The following CSMD1 variants were observed in gnomAD, a reference collection of about 807,000 sequenced individuals.
The protein encoded by CSMD1 is CUB and Sushi multiple domains 1.
Under a neutral mutation model 417.5 loss-of-function variants are expected in CSMD1, and 213 were observed. The observed-to-expected ratio is 0.51, with a 90% confidence interval of 0.46 to 0.57. The LOEUF (loss-of-function observed/expected upper bound fraction) is 0.57. CSMD1 is among the 20% of genes least tolerant of loss of function. The pLI is 0.00. For missense variants in CSMD1, 6,923 were observed against 4,529.7 expected (o/e 1.53, Z -15.17); for synonymous variants, 2,862 against 1,736.8 (o/e 1.65, Z -16.11).
chr8:3,284,900 C>G (rs980437304), intron 25 of CSMD1, among the ~76,000 whole-genome samples: 3 of 152,124 alleles, frequency 2.0e-5, no homozygotes, highest in Admixed American at 6.5e-5. Context: ...AAAATACCAA[C>G]AGAAAGGCAA....
At chr8:4,336,430 G>A (rs1009018599) in intron 3 of CSMD1, among the ~76,000 whole-genome samples, 6 of 152,126 alleles carry the variant, frequency 3.9e-5, no homozygotes, top group Admixed American at 3.9e-4. Context: ...AAGGCCCCCG[G>A]TCAGTTAATG....
At chr8:3,961,593 C>A (rs959379892) in intron 5 of CSMD1, among the ~76,000 whole-genome samples, 3 of 152,196 alleles carry the variant, frequency 2.0e-5, no homozygotes, top group Non-Finnish European at 4.4e-5. Context: ...GCTTTGAGAT[C>A]ATAATTTACT....
intron 1 of CSMD1, among the ~76,000 whole-genome samples, chr8:4,781,148 A>G (rs1352033388): frequency 2.0e-5 from 3 of 152,152 alleles, no homozygotes; most frequent in Non-Finnish European, 4.4e-5. Context: ...GCAATCCCAC[A>G]TAGTGGCTGT....
chr8:4,482,373 G>A (rs1171080167), intron 2 of CSMD1, among the ~76,000 whole-genome samples: 1 of 152,098 alleles, frequency 6.6e-6, no homozygotes, highest in African/African-American at 2.4e-5. Flanking sequence ...GAGTTAGTTT[G>A]CTAAGGATAA....
At chr8:4,384,772 G>C (rs572665968) in intron 3 of CSMD1, among the ~76,000 whole-genome samples, 3 of 152,230 alleles carry the variant, frequency 2.0e-5, no homozygotes, top group African/African-American at 7.2e-5. Context: ...CCTACCGGTC[G>C]GGCTTCCCGA....
At chr8:3,132,350 G>T (rs1423112505) in intron 41 of CSMD1, among the ~76,000 whole-genome samples, 1 of 150,762 alleles carries the variant, frequency 6.6e-6, no homozygotes, top group Non-Finnish European at 1.5e-5. Context: ...ATACATAGAC[G>T]GCCTTCAAAA....
chr8:3,998,872 T>A (rs1428408916), intron 4 of CSMD1, among the ~76,000 whole-genome samples: 2 of 149,902 alleles, frequency 1.3e-5, no homozygotes, highest in Non-Finnish European at 1.5e-5. Context: ...TATATATAGT[T>A]GATATATATA....
intron 2 of CSMD1, among the ~76,000 whole-genome samples, chr8:4,631,089 G>A (rs1301150795): frequency 6.6e-6 from 1 of 152,146 alleles, no homozygotes; most frequent in African/African-American, 2.4e-5. Context: ...AAGGCCAGGT[G>A]CGGTGGCTCA....
At chr8:4,140,348 A>AT (rs1223599419) in intron 3 of CSMD1, among the ~76,000 whole-genome samples, 1 of 150,988 alleles carries the variant, frequency 6.6e-6, no homozygotes, top group Non-Finnish European at 1.5e-5. Context: ...ACAATACAAA[A>AT]TTAGCTGGGA....
intron 5 of CSMD1, among the ~76,000 whole-genome samples, chr8:3,838,353 T>C (rs757505277): frequency 8.6e-5 from 13 of 151,798 alleles, no homozygotes; most frequent in South Asian, 8.3e-4. Flanking sequence ...CTGGGTGATG[T>C]CGTGAGACAC....
Position 3,193,516 on chromosome 8 carries a change from G to A in CSMD1, c.5195-3401C>T, listed in dbSNP as rs887786679. ...CTGTGTAACTTCATCCTCCCCGCCC[G>A]TCCTCTGGGTCTGGCCCTTCACCTG... is the stretch of plus-strand genomic sequence containing the variant. On this transcript the variant is annotated intron_variant, in intron 33 of 69. Coordinates refer to ENST00000635120, the MANE Select transcript of CSMD1 (RefSeq NM_033225.6). 7.2e-5 allele frequency among the ~76,000 whole-genome samples: 11 copies of A among 152,020 alleles called. No homozygotes were observed. The East Asian group carries it at 1.2e-3, about 16-fold the overall frequency.
intron 3 of CSMD1, among the ~76,000 whole-genome samples, chr8:4,048,264 C>T (rs1290044881): frequency 6.6e-6 from 1 of 152,180 alleles, no homozygotes; most frequent in Non-Finnish European, 1.5e-5. Flanking sequence ...GTGATACCTA[C>T]ACATTTTTAC....
chr8:3,772,153 C>G (rs555814283), intron 5 of CSMD1, among the ~76,000 whole-genome samples: 28 of 133,536 alleles, frequency 2.1e-4, no homozygotes, highest in Non-Finnish European at 3.4e-4. Flanking sequence ...TCCTTGAATT[C>G]TCAGAAAGGG....
At chr8:3,785,556 G>A (rs997622625) in intron 5 of CSMD1, among the ~76,000 whole-genome samples, 1 of 152,330 alleles carries the variant, frequency 6.6e-6, no homozygotes, top group African/African-American at 2.4e-5. Context: ...GGCTTGAAGG[G>A]AGAGGTAAGC....
At chr8:3,910,458 G>A (rs905532435) in intron 5 of CSMD1, among the ~76,000 whole-genome samples, 1 of 152,058 alleles carries the variant, frequency 6.6e-6, no homozygotes, top group Non-Finnish European at 1.5e-5. Flanking sequence ...AAGTGTTCAG[G>A]TTTTATTTTG....
At chr8:3,578,417 G>C (rs6558803) in intron 9 of CSMD1, among the ~76,000 whole-genome samples, 58,213 of 151,950 alleles carry the variant, frequency 0.38, 11,708 homozygotes, top group Middle Eastern at 0.46. Flanking sequence ...CTGCGAGGCA[G>C]GAAGAATAAT....
chr8:4,038,092 T>C (rs562305320), intron 3 of CSMD1, among the ~76,000 whole-genome samples: 6 of 151,938 alleles, frequency 3.9e-5, no homozygotes, highest in African/African-American at 9.6e-5. Flanking sequence ...ACTCAGCAAA[T>C]GGGAAAAAAT....
intron 6 of CSMD1, among the ~76,000 whole-genome samples, chr8:3,738,020 G>A (rs534812866): frequency 4.5e-4 from 69 of 152,204 alleles, no homozygotes; most frequent in African/African-American, 1.6e-3. Context: ...AGTGAAAAGG[G>A]GCCATGTCTC....
intron 3 of CSMD1, among the ~76,000 whole-genome samples, chr8:4,120,737 G>T (rs940087170): frequency 6.6e-6 from 1 of 152,286 alleles, no homozygotes; most frequent in East Asian, 1.9e-4. Flanking sequence ...GAGAATGTCA[G>T]GCTCAGAATG....
Sources: allele counts gnomAD v4.1 joint callset (sites outside exome capture counted in the v4.1 genomes callset), GRCh38; gene constraint gnomAD v4.1.1; transcripts MANE v1.5; gene names NCBI Gene and HGNC (gene_info 2026-07-23, HGNC 2026-07-21).